Variants in C1orf94 observed in about 807,000 individuals in gnomAD.
C1orf94 encodes the protein chromosome 1 open reading frame 94.
In C1orf94, 45 loss-of-function variants were observed where a neutral mutation model predicts 53.6. The ratio of observed to expected loss-of-function variants is 0.84; its 90% CI spans 0.66 to 1.08. The LOEUF is 1.08. C1orf94 is among the 50% of genes least tolerant of loss of function. The pLI, the probability that C1orf94 is intolerant of heterozygous loss-of-function variation, is 0.00. For synonymous variants in C1orf94, 304 were observed against 296.1 expected, an observed-to-expected ratio of 1.03 and a Z score of -0.27; for missense variants, 762 against 738.9, an observed-to-expected ratio of 1.03 and a Z score of -0.36.
At position 34,200,886 on chromosome 1, in the gene C1orf94, G is replaced by T; in HGVS notation, c.1124G>T (p.Gly375Val). Residue 375 changes from glycine to valine, a missense_variant, in exon 3 of 7, where the codon GGC (glycine) becomes GTC (valine). By Grantham distance (109) the Gly-to-Val change is moderately radical (BLOSUM62 -3). Transcript: ENST00000488417. ...GAGGAGGGTTGCTGTGACGCAGTGG[G>T]CACCGCATCACTGACCCTGCCGCCC... Reference protein sequence around the residue: ...CGEEGCCDAVGTASLTLPPKK... With the variant: ...CGEEGCCDAVVTASLTLPPKK... The T allele has an allele frequency of 6.2e-7, 1 of 1,614,138 alleles. No individual in the cohort carries two copies. The highest frequency in any genetic ancestry group is 1.1e-5 in the South Asian group (1 of 91,072).
intron 1 of C1orf94, among the ~76,000 whole-genome samples, chr1:34,169,777 G>A (rs1642115574): frequency 6.6e-6 from 1 of 152,250 alleles, no homozygotes; most frequent in Non-Finnish European, 1.5e-5. Flanking sequence ...TTAAAATCAT[G>A]AGCATGATCA....
At chr1:34,195,775 CGTGG>C (rs1263780142) in intron 1 of C1orf94, among the ~76,000 whole-genome samples, 70 of 139,594 alleles carry the variant, frequency 5.0e-4, no homozygotes, top group South Asian at 2.5e-3. Context: ...TGTTTCTGTT[CGTGG>C]GTGTGTGTGT....
chr1:34,204,695 G>A (rs1368528641), intron 4 of C1orf94, among the ~76,000 whole-genome samples: 1 of 152,020 alleles, frequency 6.6e-6, no homozygotes, highest in Non-Finnish European at 1.5e-5. Context: ...CTCCCTACAA[G>A]CCTACTAGAG....
At position 34,208,252 on chromosome 1, in the gene C1orf94, C is replaced by T. The variant is rs772462855; in HGVS notation, c.1524+18C>T. 3.7e-6 allele frequency: 6 copies of T among 1,610,804 alleles called. No individual in the cohort carries two copies. Among genetic ancestry groups the T allele is most frequent in the African/African-American group, 1.3e-5 (1 of 74,966 alleles). ...CCCAACAGGTGAGTAGACGATCTCT[C>T]CTCCTCTGTCCTGGGTCCATGAAGG... On this transcript the variant is annotated intron_variant, in intron 5 of 6. Transcript: ENST00000488417.
rs1571345200 is a variant in C1orf94, at chr1:34,199,993, A to G, written c.1010-779A>G. Among the ~76,000 whole-genome samples the G allele has an allele frequency of 2.6e-5, 4 of 152,128 alleles. No individual in the cohort carries two copies. In the South Asian group the frequency reaches 6.2e-4, roughly 24 times the overall value. On this transcript the variant is annotated intron_variant, in intron 2 of 6. Transcript: ENST00000488417. ...CTCCATTTCTTCCCTCTGCCACCTC[A>G]TGGTGTTCATCTACCTTATCCTGGG...
Position 34,219,051 on chromosome 1 carries a change from TG to T in C1orf94, c.*291del, listed in dbSNP as rs1269282800. On this transcript the variant is annotated 3_prime_UTR_variant, in exon 7 of 7. Coordinates refer to ENST00000488417, the MANE Select transcript of C1orf94 (RefSeq NM_001134734.2). ...AGCTAACATGAGTGATTTTTGTTTT[TG>T]TTTTTGTTGGTAAAATAGAAGTAAG... is the stretch of plus-strand genomic sequence containing the variant. 2.5e-5 allele frequency: 6 copies of T among 242,948 alleles called. No homozygotes were observed. Among genetic ancestry groups the T allele is most frequent in the Middle Eastern group, 1.1e-3 (1 of 888 alleles). 15.0% of individuals were successfully genotyped at this position (242,948 alleles called of 1,614,324 possible). A position where few individuals can be genotyped will look rare whatever the true frequency, so the allele number is the denominator to read the frequency against.
At chr1:34,205,332 A>C (rs979930717) in intron 4 of C1orf94, among the ~76,000 whole-genome samples, 10 of 152,190 alleles carry the variant, frequency 6.6e-5, no homozygotes, top group Non-Finnish European at 1.0e-4. Flanking sequence ...GGACAGCATA[A>C]TTTACCTTCT....
chr1:34,182,087 G>T (rs113705006), intron 1 of C1orf94, among the ~76,000 whole-genome samples: 4 of 152,290 alleles, frequency 2.6e-5, no homozygotes, highest in Non-Finnish European at 4.4e-5. Flanking sequence ...CTAGCTACTC[G>T]GGAGGGTGAA....
At chr1:34,207,606 A>G (rs1370752726) in intron 4 of C1orf94, among the ~76,000 whole-genome samples, 1 of 152,234 alleles carries the variant, frequency 6.6e-6, no homozygotes, top group Non-Finnish European at 1.5e-5. Flanking sequence ...TTGTACACAG[A>G]AATACACAGC....
chr1:34,191,367 G>T (rs914710483), intron 1 of C1orf94, among the ~76,000 whole-genome samples: 1 of 152,136 alleles, frequency 6.6e-6, no homozygotes, highest in Non-Finnish European at 1.5e-5. Context: ...AGGACCTAAG[G>T]CTTTGACATA....
intron 1 of C1orf94, among the ~76,000 whole-genome samples, chr1:34,185,096 C>T (rs893271404): frequency 3.3e-5 from 5 of 152,186 alleles, no homozygotes; most frequent in African/African-American, 4.8e-5. Context: ...TCAGAGACCC[C>T]GTGGGCCACA....
chr1:34,193,530 C>T (rs1642532044), intron 1 of C1orf94, among the ~76,000 whole-genome samples: 1 of 152,182 alleles, frequency 6.6e-6, no homozygotes. Context: ...GGAGACCTTG[C>T]TGGATAACAA....
At chr1:34,167,594 C>T (rs1358938237) in intron 1 of C1orf94, among the ~76,000 whole-genome samples, 1 of 151,422 alleles carries the variant, frequency 6.6e-6, no homozygotes, top group African/African-American at 2.4e-5. Context: ...TTTGGGTCCA[C>T]GTGCTTTCAC....
In C1orf94 at chr1:34,198,553, C is replaced by T. The variant is rs75050792; in HGVS notation, c.1009+640C>T. Among the ~76,000 whole-genome samples the T allele has an allele frequency of 6.5e-3, 990 of 152,304 alleles. 9 individuals carry two copies. Among genetic ancestry groups the T allele is most frequent in the African/African-American group, 0.022 (934 of 41,562 alleles). ...ATTCTGTGTGTTGTTCTGATCTAACCAGTCAGACTATATGGTTCCAAGAAG... is the reference window on the plus strand; with the variant it reads ...ATTCTGTGTGTTGTTCTGATCTAACTAGTCAGACTATATGGTTCCAAGAAG... On this transcript the variant is annotated intron_variant, in intron 2 of 6. Transcript: ENST00000488417.
At chr1:34,212,084 C>T in intron 5 of C1orf94, 126 bp from the exon 6 acceptor site, 1 of 765,926 alleles carries the variant, frequency 1.3e-6, no homozygotes. Context: ...TCCATTCCAA[C>T]ATGTTGCCTT....
At chr1:34,186,548 A>G (rs1642387693) in intron 1 of C1orf94, among the ~76,000 whole-genome samples, 1 of 152,230 alleles carries the variant, frequency 6.6e-6, no homozygotes, top group Non-Finnish European at 1.5e-5. Context: ...ATAAAGGGAG[A>G]TCATAGCATT....
At chr1:34,205,064 G>A (rs1347013685) in intron 4 of C1orf94, among the ~76,000 whole-genome samples, 3 of 152,168 alleles carry the variant, frequency 2.0e-5, no homozygotes, top group Non-Finnish European at 2.9e-5. Flanking sequence ...TATTAAGTGG[G>A]GATAGCATCT....
chr1:34,206,276 G>A (rs1642791501), intron 4 of C1orf94, among the ~76,000 whole-genome samples: 1 of 152,216 alleles, frequency 6.6e-6, no homozygotes, highest in Admixed American at 6.5e-5. Flanking sequence ...GGGGTGGATG[G>A]CATGGCCCAT....
rs142402553 is a variant in C1orf94 at position 34,209,499 on chromosome 1, C to T, written c.1524+1265C>T. On this transcript the variant is annotated intron_variant, in intron 5 of 6. Coordinates refer to ENST00000488417, the MANE Select transcript of C1orf94 (RefSeq NM_001134734.2). ...GGAGCAGAGGGCACCAACACCCAGC[C>T]TGCCATAGCACCAGGCTGGCCTTGC... Among the ~76,000 whole-genome samples, 899 of 152,242 alleles carry T rather than the reference C, an allele frequency of 5.9e-3. 7 individuals are homozygous for T. The highest frequency in any genetic ancestry group is 0.021 in the African/African-American group (866 of 41,522).
Sources: gnomAD v4.1 joint callset for allele counts (sites outside exome capture counted in the v4.1 genomes callset) on GRCh38, gnomAD v4.1.1 for gene constraint, MANE v1.5 for transcripts, NCBI Gene and HGNC (gene_info 2026-07-23, HGNC 2026-07-21) for gene names.